Variants in NAA15 observed in about 807,000 individuals in gnomAD.
NAA15 encodes the protein N-alpha-acetyltransferase 15, NatA auxiliary subunit.
NAA15 carries 34 observed loss-of-function variants against 114.0 expected under a neutral mutation model. The ratio of observed to expected loss-of-function variants is 0.30; its 90% CI spans 0.23 to 0.40. NAA15 has a LOEUF of 0.40. NAA15 is among the 10% of genes least tolerant of loss of function. The pLI is 1.00. For missense variants in NAA15, 658 were observed against 1,004.5 expected (o/e 0.66, Z 4.66); for synonymous variants, 340 against 338.0 (o/e 1.01, Z -0.06).
intron 1 of NAA15, among the ~76,000 whole-genome samples, chr4:139,317,020 C>T (rs1746431966): frequency 6.6e-6 from 1 of 151,682 alleles, no homozygotes; most frequent in Non-Finnish European, 1.5e-5. Flanking sequence ...TTTGACTTCC[C>T]AGTAGCCATT....
chr4:139,366,880 A>AT (rs1475556818), intron 14 of NAA15, among the ~76,000 whole-genome samples: 2 of 152,184 alleles, frequency 1.3e-5, no homozygotes, highest in Non-Finnish European at 2.9e-5. Context: ...AAGTGCTGGG[A>AT]TTACAGGCAT....
chr4:139,351,628 T>G lies in NAA15; in HGVS notation c.1014+17T>G. 2 of 1,240,376 alleles carry G rather than the reference T, an allele frequency of 1.6e-6. No individual in the cohort carries two copies. Among genetic ancestry groups the G allele is most frequent in the Non-Finnish European group, 2.4e-6 (2 of 843,266 alleles). 76.8% of individuals were successfully genotyped at this position (1,240,376 alleles called of 1,614,324 possible). A position where few individuals can be genotyped will look rare whatever the true frequency, so the allele number is the denominator to read the frequency against. On this transcript the variant is annotated intron_variant, in intron 9 of 19. Transcript: ENST00000296543. ...AAAGAAAAGGTAAAGTGAAATATGA[T>G]ACTTTCTTTTGGCTACCATTTCTTT...
intron 11 of NAA15, among the ~76,000 whole-genome samples, chr4:139,358,625 T>C (rs924043484): frequency 5.3e-5 from 8 of 152,244 alleles, no homozygotes; most frequent in Non-Finnish European, 1.0e-4. Context: ...TAGGTATACA[T>C]GTGCCAGGAA....
At chr4:139,384,473 C>G (rs1748836276) in intron 17 of NAA15, among the ~76,000 whole-genome samples, 1 of 150,632 alleles carries the variant, frequency 6.6e-6, no homozygotes, top group Non-Finnish European at 1.5e-5. Flanking sequence ...AAAACCTTGT[C>G]TGTCTCAATC....
chr4:139,382,533 T>A (rs971225361), intron 17 of NAA15, among the ~76,000 whole-genome samples: 1 of 152,188 alleles, frequency 6.6e-6, no homozygotes. Flanking sequence ...TGAAAGCATT[T>A]CAGGCAAACC....
At chr4:139,385,053 A>G in intron 18 of NAA15, 75 bp downstream of exon 18, 2 of 1,251,530 alleles carry the variant, frequency 1.6e-6, no homozygotes, top group Non-Finnish European at 2.1e-6. Context: ...AATATAAGGT[A>G]CATGTTTTTA....
Position 139,360,498 on chromosome 4 carries a change from A to C in NAA15, c.1411-2A>C. 1 of 1,572,718 alleles carries C rather than the reference A, an allele frequency of 6.4e-7. No homozygotes were observed. Among genetic ancestry groups the C allele is most frequent in the Non-Finnish European group, 8.6e-7 (1 of 1,162,324 alleles). The stretch of plus-strand genomic sequence containing the variant: ...TCTTGAAAATATTTGATTTCTGTAT[A>C]GGAAGGAACATCAGCGGTAGAGAAT... On this transcript the variant is annotated splice_acceptor_variant, in intron 12 of 19. Coordinates refer to ENST00000296543, the MANE Select transcript of NAA15 (RefSeq NM_057175.5). LOFTEE classifies it high-confidence loss of function.
intron 4 of NAA15, among the ~76,000 whole-genome samples, chr4:139,342,102 A>G (rs1173775933): frequency 6.6e-6 from 1 of 152,182 alleles, no homozygotes; most frequent in Admixed American, 6.5e-5. Context: ...CCCTTAAATT[A>G]GTGTTAGATC....
intron 17 of NAA15, among the ~76,000 whole-genome samples, chr4:139,380,400 G>T (rs1327455145): frequency 1.3e-5 from 2 of 152,056 alleles, no homozygotes; most frequent in Non-Finnish European, 2.9e-5. Context: ...CATACACACT[G>T]TTATATACTT....
At position 139,387,968 on chromosome 4, in the gene NAA15, C is replaced by T. The variant is rs1579144553; in HGVS notation, c.2485C>T (p.His829Tyr). Reference protein sequence around the residue: ...EAAEIYRANCHKLFPYALAFM... With the variant: ...EAAEIYRANCYKLFPYALAFM... Reference sequence around the variant, plus strand: ...TGCTGAAATTTATAGAGCAAATTGTCATAAGCTTTTCCCTTATGCTTTGGC... The same window carrying T: ...TGCTGAAATTTATAGAGCAAATTGTTATAAGCTTTTCCCTTATGCTTTGGC... The change falls in exon 20 of 20, where the codon CAT becomes TAT. Residue 829 changes from histidine to tyrosine, a missense_variant. His to Tyr is a moderately conservative substitution (Grantham distance 83). Around this residue, in one of 6 missense-constraint regions of NAA15, gnomAD observed 275 missense variants for 371.1 expected, o/e 0.74. Coordinates refer to ENST00000296543, the MANE Select transcript of NAA15 (RefSeq NM_057175.5). The T allele has an allele frequency of 1.2e-6, 2 of 1,613,964 alleles. No homozygotes were observed. Among genetic ancestry groups the T allele is most frequent in the Non-Finnish European group, 1.7e-6 (2 of 1,179,936 alleles).
At chr4:139,334,087 A>G in intron 1 of NAA15, 87 bp from the exon 2 acceptor site, 1 of 791,900 alleles carries the variant, frequency 1.3e-6, no homozygotes, top group Admixed American at 2.6e-5. Flanking sequence ...ATTCTGTTGT[A>G]TTTAACAGAG....
At chr4:139,370,584 A>C (rs1748408431) in intron 15 of NAA15, among the ~76,000 whole-genome samples, 180 bp downstream of exon 15, 1 of 152,004 alleles carries the variant, frequency 6.6e-6, no homozygotes, top group Non-Finnish European at 1.5e-5. Context: ...TTCATGTTTA[A>C]AACTTGAAAT....
In NAA15 at chr4:139,390,991, C is replaced by G. The variant is rs1314501750; in HGVS notation, c.*2907C>G. 2 of 152,116 alleles carry G rather than the reference C, an allele frequency of 1.3e-5. No individual in the cohort carries two copies. Among genetic ancestry groups the G allele is most frequent in the Non-Finnish European group, 2.9e-5 (2 of 68,014 alleles). 9.4% of individuals were successfully genotyped at this position (152,116 alleles called of 1,614,324 possible). A position where few individuals can be genotyped will look rare whatever the true frequency, so the allele number is the denominator to read the frequency against. ...AGTTCAGGGAAGTCTTGTATGATTTCTAAGAATATTTCAGTTACCATGTAT... is the reference window on the plus strand; with the variant it reads ...AGTTCAGGGAAGTCTTGTATGATTTGTAAGAATATTTCAGTTACCATGTAT... On this transcript the variant is annotated 3_prime_UTR_variant, in exon 20 of 20. Transcript: ENST00000296543.
rs1391775459 is a variant in NAA15 at position 139,310,860 on chromosome 4, C to T, written c.54+9029C>T. ...TCTTGAACTCCAGGCCTCAGGTGAT[C>T]CACCTGCCTCGGCCTCCCAAAATGC... On this transcript the variant is annotated intron_variant, in intron 1 of 19. Coordinates refer to ENST00000296543, the MANE Select transcript of NAA15 (RefSeq NM_057175.5). Among the ~76,000 whole-genome samples the T allele has an allele frequency of 2.6e-5, 4 of 151,780 alleles. No homozygotes were observed. In the East Asian group the frequency reaches 7.8e-4, roughly 29 times the overall value.
intron 1 of NAA15, among the ~76,000 whole-genome samples, chr4:139,320,741 G>T (rs975091745): frequency 6.6e-6 from 1 of 152,090 alleles, no homozygotes; most frequent in African/African-American, 2.4e-5. Context: ...GGCTGGTCTC[G>T]AACTCCTGAC....
At position 139,341,039 on chromosome 4, in the gene NAA15, G is replaced by C. The variant is rs1034855378; in HGVS notation, c.372G>C (p.Gln124His). The C allele has an allele frequency of 6.3e-7, 1 of 1,587,478 alleles. No homozygotes were observed. Among genetic ancestry groups the C allele is most frequent in the African/African-American group, 1.4e-5 (1 of 73,606 alleles). The change falls in exon 4 of 20, where the codon CAG (glutamine) becomes CAC (histidine). Residue 124 changes from glutamine (Q) to histidine (H), a missense_variant. By Grantham distance (24) the Gln-to-His change is conservative. Transcript: ENST00000296543. ...LQILRDLSLL[Q>H]IQMRDLEGYR... Reference sequence around the variant, plus strand: ...TCTTAAGGGACCTTTCCTTACTACAGATTCAAATGCGAGATCTTGAGGGTT... The same window carrying C: ...TCTTAAGGGACCTTTCCTTACTACACATTCAAATGCGAGATCTTGAGGGTT...
intron 15 of NAA15, among the ~76,000 whole-genome samples, chr4:139,371,281 A>G (rs978476539): frequency 2.6e-5 from 4 of 152,092 alleles, no homozygotes; most frequent in African/African-American, 7.2e-5. Flanking sequence ...GGTGGACAGT[A>G]GTATCACGTA....
At chr4:139,366,405 G>A (rs1373784121) in intron 14 of NAA15, among the ~76,000 whole-genome samples, 1 of 152,060 alleles carries the variant, frequency 6.6e-6, no homozygotes, top group Non-Finnish European at 1.5e-5. Context: ...GACAGAGAAA[G>A]GAAGAAGCTG....
At chr4:139,332,212 C>T (rs1242372224) in intron 1 of NAA15, among the ~76,000 whole-genome samples, 2 of 152,086 alleles carry the variant, frequency 1.3e-5, no homozygotes, top group Non-Finnish European at 2.9e-5. Context: ...CTCACTACAA[C>T]CTCTGCCTCT....
Sources: allele counts gnomAD v4.1 joint callset (sites outside exome capture counted in the v4.1 genomes callset), GRCh38; gene constraint gnomAD v4.1.1; regional missense constraint gnomAD v4.1.1; transcripts MANE v1.5; gene names NCBI Gene and HGNC (gene_info 2026-07-23, HGNC 2026-07-21).